The following CHRM3 variants were observed in gnomAD, a reference collection of about 807,000 sequenced individuals.
The protein encoded by CHRM3 is cholinergic receptor muscarinic 3, also known as muscarinic acetylcholine receptor M3.
A neutral mutation model predicts 41.8 loss-of-function variants in CHRM3; 11 were observed. The observed-to-expected ratio is 0.26, with a 90% confidence interval of 0.17 to 0.44. The LOEUF (loss-of-function observed/expected upper bound fraction) is 0.44, where lower values mean the gene tolerates loss of function less well. Among genes scored for constraint, CHRM3 ranks in the 20% least tolerant of loss-of-function variants. The pLI is 1.00. For synonymous variants in CHRM3, 297 were observed against 301.4 expected, an observed-to-expected ratio of 0.99 and a Z score of 0.15; for missense variants, 571 against 745.4, an observed-to-expected ratio of 0.77 and a Z score of 2.72.
intron 6 of CHRM3, among the ~76,000 whole-genome samples, chr1:239,875,966 A>G (rs1196942616): frequency 7.9e-5 from 12 of 152,198 alleles, no homozygotes; most frequent in African/African-American, 2.4e-5. Context: ...AGGAGAAGGA[A>G]ATAGCATCCC....
At chr1:239,423,625 G>A (rs1375129450) in intron 1 of CHRM3, among the ~76,000 whole-genome samples, 1 of 152,112 alleles carries the variant, frequency 6.6e-6, no homozygotes, top group Admixed American at 6.5e-5. Flanking sequence ...TTAGGAGTCA[G>A]AAAAGATTCT....
intron 1 of CHRM3, among the ~76,000 whole-genome samples, chr1:239,391,103 T>C (rs564826542): frequency 6.6e-6 from 1 of 152,296 alleles, no homozygotes; most frequent in East Asian, 1.9e-4. Context: ...ATGCCACTGC[T>C]CTCCAGCCTG....
chr1:239,677,586 TG>T (rs1386724987), intron 4 of CHRM3, among the ~76,000 whole-genome samples: 3 of 152,124 alleles, frequency 2.0e-5, no homozygotes, highest in Non-Finnish European at 2.9e-5. Context: ...TGTCTTCACA[TG>T]GCAGAAGGCA....
chr1:239,823,803 G>A (rs1572406953), intron 5 of CHRM3, among the ~76,000 whole-genome samples: 2 of 151,966 alleles, frequency 1.3e-5, no homozygotes, highest in African/African-American at 2.4e-5. Flanking sequence ...TGACAAACTT[G>A]GGGAAAAAAT....
intron 1 of CHRM3, among the ~76,000 whole-genome samples, chr1:239,472,543 A>G (rs1347829124): frequency 6.6e-6 from 1 of 152,220 alleles, no homozygotes; most frequent in Non-Finnish European, 1.5e-5. Context: ...AAGAGCAGGT[A>G]ACAACTTGCT....
chr1:239,582,738 G>T (rs751467724), intron 3 of CHRM3, among the ~76,000 whole-genome samples: 2 of 152,020 alleles, frequency 1.3e-5, no homozygotes, highest in Admixed American at 6.6e-5. Context: ...GTAATAACTG[G>T]CCACTTAACT....
chr1:239,488,714 C>CAAAAAAAAA (rs763682628), intron 1 of CHRM3, among the ~76,000 whole-genome samples: 2 of 46,220 alleles, frequency 4.3e-5, no homozygotes, highest in African/African-American at 2.0e-4. Context: ...GACTCCTTCT[C>CAAAAAAAAA]AAAAAAAAAA....
At chr1:239,551,737 A>G (rs1659853795) in intron 3 of CHRM3, among the ~76,000 whole-genome samples, 1 of 152,186 alleles carries the variant, frequency 6.6e-6, no homozygotes. Context: ...GACCAATTGT[A>G]TACAGTGAAG....
intron 1 of CHRM3, among the ~76,000 whole-genome samples, chr1:239,411,532 C>G (rs375883466): frequency 8.4e-4 from 128 of 151,884 alleles, no homozygotes; most frequent in African/African-American, 2.9e-3. Flanking sequence ...CAAGACCAGC[C>G]TGGCCAACAT....
intron 3 of CHRM3, among the ~76,000 whole-genome samples, chr1:239,600,797 T>TTTCCTTCCTTCC (rs377366936): frequency 7.8e-4 from 118 of 150,562 alleles, no homozygotes; most frequent in African/African-American, 2.6e-3. Context: ...CTTCCTTTTC[T>TTTCCTTCCTTCC]TTCCTTCCTT....
chr1:239,787,746 T>C (rs554588907), intron 5 of CHRM3, among the ~76,000 whole-genome samples: 6 of 152,320 alleles, frequency 3.9e-5, no homozygotes, highest in African/African-American at 1.4e-4. Flanking sequence ...AGCCCTGTCA[T>C]TTACAAGTTG....
intron 5 of CHRM3, among the ~76,000 whole-genome samples, chr1:239,717,606 C>T (rs1439229496): frequency 1.3e-5 from 2 of 151,934 alleles, no homozygotes; most frequent in Non-Finnish European, 2.9e-5. Flanking sequence ...GTGGTAAAGT[C>T]CTAGTGTGGC....
chr1:239,485,510 C>A (rs893102280), intron 1 of CHRM3, among the ~76,000 whole-genome samples: 1 of 152,044 alleles, frequency 6.6e-6, no homozygotes. Flanking sequence ...TCTTGAACTC[C>A]GGGCCTTAAG....
chr1:239,714,477 T>C (rs1558479704), intron 5 of CHRM3, among the ~76,000 whole-genome samples: 1 of 152,036 alleles, frequency 6.6e-6, no homozygotes, highest in Non-Finnish European at 1.5e-5. Context: ...TCAGAGTTAC[T>C]TGGGTGAGGA....
chr1:239,821,917 G>A (rs1226164578), intron 5 of CHRM3, among the ~76,000 whole-genome samples: 1 of 152,118 alleles, frequency 6.6e-6, no homozygotes, highest in East Asian at 1.9e-4. Context: ...AGATCTGATG[G>A]TTTAATAACT....
At chr1:239,600,329 C>CCCCTATGTGGGCTATGTGCCCTATGTG (rs1366458806) in intron 3 of CHRM3, among the ~76,000 whole-genome samples, 7 of 151,962 alleles carry the variant, frequency 4.6e-5, no homozygotes, top group Admixed American at 4.6e-4. Flanking sequence ...GGGAGGCTGA[C>CCCCTATGTGGGCTATGTGCCCTATGTG]CCCTATGTGG....
intron 3 of CHRM3, among the ~76,000 whole-genome samples, chr1:239,623,535 A>T (rs1375861803): frequency 8.5e-6 from 1 of 117,678 alleles, no homozygotes; most frequent in Non-Finnish European, 1.7e-5. Flanking sequence ...TTTAGGGTAC[A>T]TGTGCACATT....
chr1:239,850,905 G>C (rs750678589), intron 6 of CHRM3, among the ~76,000 whole-genome samples: 3 of 152,082 alleles, frequency 2.0e-5, no homozygotes, highest in Non-Finnish European at 2.9e-5. Flanking sequence ...ACCCAGTCTT[G>C]GGTATGTCTT....
rs1665692794 is a variant in CHRM3, at chr1:239,465,921, TTCC to T, written c.-520-26782_-520-26780del. Among the ~76,000 whole-genome samples the T allele has an allele frequency of 2.0e-5, 3 of 152,286 alleles. No individual in the cohort carries two copies. The South Asian group carries it at 6.2e-4, about 32-fold the overall frequency. ...GCAAGACCAACTGCTCCTCTTCCTCTTCCTCCTCGGCCTACTCAACAGGAATAC... is the reference window on the plus strand; with the variant it reads ...GCAAGACCAACTGCTCCTCTTCCTCTTCCTCGGCCTACTCAACAGGAATAC... On this transcript the variant is annotated intron_variant, in intron 1 of 6. Transcript: ENST00000676153.
Sources: allele counts gnomAD v4.1 joint callset (sites outside exome capture counted in the v4.1 genomes callset), GRCh38; gene constraint gnomAD v4.1.1; transcripts MANE v1.5; gene names NCBI Gene and HGNC (gene_info 2026-07-23, HGNC 2026-07-21).